KAT2A: variants seen among roughly 807,000 people sequenced by gnomAD.
The protein encoded by KAT2A is lysine acetyltransferase 2A, also known as histone acetyltransferase KAT2A.
Under a neutral mutation model 95.2 loss-of-function variants are expected in KAT2A, and 42 were observed. The ratio of observed to expected loss-of-function variants is 0.44; its 90% CI spans 0.34 to 0.57. KAT2A has a LOEUF of 0.57. Ranked by LOEUF, KAT2A falls within the 20% of genes least tolerant of loss-of-function variation. The probability of loss-of-function intolerance (pLI) is 0.01; values close to 1 mark genes in which losing one functional copy is unlikely to be tolerated. For missense variants in KAT2A, 784 were observed against 1,126.3 expected, an observed-to-expected ratio of 0.70 and a Z score of 4.35; for synonymous variants, 449 against 448.2, an observed-to-expected ratio of 1.00 and a Z score of -0.02.
rs763056774 is a variant in KAT2A at position 42,113,336 on chromosome 17, A to T, written c.*313T>A. 3.9e-6 allele frequency: 1 copy of T among 259,232 alleles called. No individual in the cohort carries two copies. Among genetic ancestry groups the T allele is most frequent in the African/African-American group, 2.3e-5 (1 of 43,872 alleles). 16.1% of individuals were successfully genotyped at this position (259,232 alleles called of 1,614,324 possible). A position where few individuals can be genotyped will look rare whatever the true frequency, so the allele number is the denominator to read the frequency against. On this transcript the variant is annotated 3_prime_UTR_variant, in exon 18 of 18. Transcript: ENST00000225916. ...CCACCTGGGCCAGGCCCAGGAATCC[A>T]AGCCTCCAAAGCTCTTGGGGACCAG...
At position 42,120,514 on chromosome 17, in the gene KAT2A, C is replaced by T. The variant is rs537647258; in HGVS notation, c.464-144G>A. The T allele has an allele frequency of 3.2e-6, 4 of 1,234,548 alleles. No homozygotes were observed. The East Asian group carries it at 9.3e-5, about 29-fold the overall frequency. The allele number at this position is 1,234,548 out of a possible 1,614,324, so 76.5% of individuals were successfully genotyped here. On this transcript the variant is annotated intron_variant, in intron 2 of 17. Transcript: ENST00000225916. ...TGAGACTGACTGCTCCGATATCAACCGTTGGGTTGCCTGGGCCTGTTCTGG... is the reference window on the plus strand; with the variant it reads ...TGAGACTGACTGCTCCGATATCAACTGTTGGGTTGCCTGGGCCTGTTCTGG...
intron 7 of KAT2A, 71 bp downstream of exon 7, chr17:42,118,226 T>C: frequency 8.1e-7 from 1 of 1,238,966 alleles, no homozygotes. Context: ...CCAGGTGAGC[T>C]CTCTTCCACC....
In KAT2A at chr17:42,113,611, G is replaced by A; in HGVS notation, c.*38C>T. Reference sequence around the variant, plus strand: ...AAGGATCAGATCAGAATCCGAGGTGGAGACATTCCAGGTCAGGGCTGCGGC... The same window carrying A: ...AAGGATCAGATCAGAATCCGAGGTGAAGACATTCCAGGTCAGGGCTGCGGC... On this transcript the variant is annotated 3_prime_UTR_variant, in exon 18 of 18. Transcript: ENST00000225916. The A allele has an allele frequency of 6.3e-7, 1 of 1,576,966 alleles. No homozygotes were observed. Among genetic ancestry groups the A allele is most frequent in the East Asian group, 2.3e-5 (1 of 43,986 alleles).
chr17:42,113,887 C>T (rs1555665288), intron 17 of KAT2A, 45 bp from the exon 18 acceptor site: 1 of 1,512,146 alleles, frequency 6.6e-7, no homozygotes, highest in South Asian at 1.3e-5. Context: ...GGCTGAAGAC[C>T]ACGGCAGGGC....
intron 12 of KAT2A, 99 bp from the exon 13 acceptor site, chr17:42,115,134 G>A: frequency 8.2e-7 from 1 of 1,218,858 alleles, no homozygotes; most frequent in East Asian, 2.3e-5. Flanking sequence ...CGTGCCACTT[G>A]CCACCTCCTG....
chr17:42,120,165 G>A (rs1555667004), intron 3 of KAT2A, 46 bp from the exon 4 acceptor site: 3 of 1,613,240 alleles, frequency 1.9e-6, no homozygotes, highest in East Asian at 4.5e-5. Flanking sequence ...GGGCAGAGCT[G>A]CAGACAACCC....
chr17:42,113,659 A>T lies in KAT2A; in HGVS notation c.2504T>A (p.Ile835Asn). The T allele has an allele frequency of 6.2e-7, 1 of 1,608,336 alleles. No individual in the cohort carries two copies. Residue 835 changes from isoleucine to asparagine, a missense_variant, in exon 18 of 18, where the codon ATT (isoleucine) becomes AAT (asparagine). Physicochemically the swap from Ile to Asn is moderately radical, Grantham distance 149. Around this residue, in one of 6 missense-constraint regions of KAT2A, gnomAD observed 195 missense variants for 247.1 expected, o/e 0.79. Transcript: ENST00000225916. ...GGCCCAAAGATGGGCCTACTTGTCA[A>T]TGAGGCCTCCCTCCTTGAGCTTGAA... ...FYFKLKEGGL[I>N]DK
Position 42,117,813 on chromosome 17 carries a change from G to A in KAT2A, c.1293C>T (p.Gly431=), listed in dbSNP as rs377585027. The change falls in exon 9 of 18, where the codon GGC becomes GGT. Residue 431 remains glycine, a splice_region_variant and synonymous_variant. Coordinates refer to ENST00000225916, the MANE Select transcript of KAT2A (RefSeq NM_021078.3). The surrounding 1 kb of genome is among the most constrained non-coding windows in gnomAD (Gnocchi z 8.9). ...GGTTCTCTGGGAGCGTCCTCTTCTC[G>A]CCTATTGGGGAGGCAGGCAAGGTTG... ...LDSAGAEPMP[G]EKRTLPENLT... is the part of the protein sequence containing the mutation. The A allele has an allele frequency of 2.2e-5, 35 of 1,613,596 alleles. No homozygotes were observed. The highest frequency in any genetic ancestry group is 8.8e-5 in the South Asian group (8 of 91,044).
chr17:42,113,944 A>G (rs2054210523), intron 17 of KAT2A, 56 bp downstream of exon 17: 3 of 1,482,044 alleles, frequency 2.0e-6, no homozygotes, highest in African/African-American at 2.9e-5. Flanking sequence ...CAGTGAGGGC[A>G]GGAGCAGGTG....
In KAT2A at chr17:42,119,798, CT is replaced by C. The variant is rs2054309960; in HGVS notation, c.700-81del. 15 of 1,271,250 alleles carry C rather than the reference CT, an allele frequency of 1.2e-5. No homozygotes were observed. The South Asian group carries it at 2.2e-4, about 19-fold the overall frequency. The allele number at this position is 1,271,250 out of a possible 1,614,324, so 78.7% of individuals were successfully genotyped here. ...GGGCCTTCTTAGACAAAGGAAGATG[CT>C]CCCTGGCCAGGGACAAGGTTCTCCT... On this transcript the variant is annotated intron_variant, in intron 4 of 17. Transcript: ENST00000225916. This position sits in a 1 kb window ranked among gnomAD's most constrained non-coding sequence, Gnocchi z 5.3.
chr17:42,115,384 C>G (rs1185682535), intron 12 of KAT2A, among the ~76,000 whole-genome samples: 7 of 118,792 alleles, frequency 5.9e-5, no homozygotes, highest in Admixed American at 8.5e-5. Flanking sequence ...GCTCTACTGG[C>G]CCCCCAGTTC....
chr17:42,120,089 G>A lies in KAT2A; in HGVS notation c.640C>T (p.Arg214Trp), dbSNP rs370176945. Residue 214 changes from arginine (R) to tryptophan (W), a missense_variant, in exon 4 of 18, where the codon CGG becomes TGG. By Grantham distance (101) the Arg-to-Trp change is moderately radical (BLOSUM62 -3). This residue lies in a region of KAT2A where 208 missense variants were observed against 339.7 expected (regional missense o/e 0.61). Transcript: ENST00000225916. ...LLRKCILQMT[R>W]PVVEGSLGSP... Reference sequence around the variant, plus strand: ...CCCAGGGACCCCTCCACCACAGGCCGGGTCATCTGCAGGATGCATTTCCGC... The same window carrying A: ...CCCAGGGACCCCTCCACCACAGGCCAGGTCATCTGCAGGATGCATTTCCGC... The A allele has an allele frequency of 3.5e-5, 56 of 1,614,054 alleles. No homozygotes were observed. The highest frequency in any genetic ancestry group is 1.8e-4 in the South Asian group (16 of 91,080).
In KAT2A at chr17:42,113,992, G is replaced by C. The variant is rs1555665363; in HGVS notation, c.2320+8C>G. 1.3e-6 allele frequency: 2 copies of C among 1,511,152 alleles called. No individual in the cohort carries two copies. Among genetic ancestry groups the C allele is most frequent in the Admixed American group, 2.7e-5 (1 of 37,718 alleles). 93.6% of individuals were successfully genotyped at this position (1,511,152 alleles called of 1,614,324 possible). A position where few individuals can be genotyped will look rare whatever the true frequency, so the allele number is the denominator to read the frequency against. ...AGGAGGGAAGGGGATGGAATGGAAGGTCCTCACCAATGGGGAAGCGGATGA... is the reference window on the plus strand; with the variant it reads ...AGGAGGGAAGGGGATGGAATGGAAGCTCCTCACCAATGGGGAAGCGGATGA... On this transcript the variant is annotated splice_region_variant and intron_variant, in intron 17 of 17. Coordinates refer to ENST00000225916, the MANE Select transcript of KAT2A (RefSeq NM_021078.3).
chr17:42,118,034 AC>A lies in KAT2A; in HGVS notation c.1181-18del, dbSNP rs869311175. The A allele has an allele frequency of 1.4e-6, 2 of 1,393,830 alleles. No individual in the cohort carries two copies. Among genetic ancestry groups the A allele is most frequent in the Non-Finnish European group, 1.9e-6 (2 of 1,036,998 alleles). The allele number at this position is 1,393,830 out of a possible 1,614,324, so 86.3% of individuals were successfully genotyped here. A position where few individuals can be genotyped will look rare whatever the true frequency, so the allele number is the denominator to read the frequency against. ...TGACTGAAGCTGAGGAGAGAGAGAG[AC>A]GTCAGGGATGGGGGGCTGAAGCTGA... is the stretch of plus-strand genomic sequence containing the variant. On this transcript the variant is annotated intron_variant, in intron 7 of 17. Transcript: ENST00000225916.
chr17:42,118,209 C>G, intron 7 of KAT2A, 88 bp downstream of exon 7: 1 of 1,094,584 alleles, frequency 9.1e-7, no homozygotes. Flanking sequence ...GATCCAGGGC[C>G]TCCGGCCCAG....
At chr17:42,118,101 GGA>G (rs59670332) in intron 7 of KAT2A, 84 bp from the exon 8 acceptor site, 4 of 872,930 alleles carry the variant, frequency 4.6e-6, no homozygotes, top group Admixed American at 5.0e-5. Context: ...CTGAAGCTGA[GGA>G]GAGAGAGAGT....
At chr17:42,115,653 A>G in intron 12 of KAT2A, 70 bp downstream of exon 12, 1 of 974,560 alleles carries the variant, frequency 1.0e-6, no homozygotes, top group Non-Finnish European at 1.7e-6. Context: ...TACTCCATCC[A>G]CAGAGGGGCT....
In KAT2A at chr17:42,120,384, G is replaced by A. The variant is rs781976332; in HGVS notation, c.464-14C>T. 4.3e-6 allele frequency: 7 copies of A among 1,613,876 alleles called. No homozygotes were observed. Among genetic ancestry groups the A allele is most frequent in the South Asian group, 1.1e-5 (1 of 91,066 alleles). ...ATACGTGGTCAGCTGCAAGACAGAT[G>A]GCAGAGTTAGGAAAAATTGATAGAA... On this transcript the variant is annotated splice_polypyrimidine_tract_variant and intron_variant, in intron 2 of 17. Transcript: ENST00000225916.
At position 42,113,849 on chromosome 17, in the gene KAT2A, C is replaced by T; in HGVS notation, c.2321-7G>A. ...TCAGTCATGGTCTTCAGGTCTGGGG[C>T]AGCAGGAGACGGAGCACAGCTTTAA... On this transcript the variant is annotated splice_polypyrimidine_tract_variant and splice_region_variant and intron_variant, in intron 17 of 17. Transcript: ENST00000225916. 1.9e-6 allele frequency: 3 copies of T among 1,569,754 alleles called. No homozygotes were observed. Among genetic ancestry groups the T allele is most frequent in the Non-Finnish European group, 2.6e-6 (3 of 1,160,620 alleles).
Sources: gnomAD v4.1 joint callset for allele counts (sites outside exome capture counted in the v4.1 genomes callset) on GRCh38, gnomAD v4.1.1 for gene constraint, gnomAD v4.1.1 regional missense constraint, Gnocchi (gnomAD v3.1) non-coding constraint, MANE v1.5 for transcripts, NCBI Gene and HGNC (gene_info 2026-07-23, HGNC 2026-07-21) for gene names.